The following CSMD1 variants were observed in gnomAD, a reference collection of about 807,000 sequenced individuals.
CSMD1 encodes the protein CUB and sushi domain-containing protein 1.
In CSMD1, 213 loss-of-function variants were observed where a neutral mutation model predicts 417.5. The observed-to-expected ratio is 0.51, with a 90% CI of 0.46 to 0.57. CSMD1 has a LOEUF of 0.57. CSMD1 is among the 20% of genes least tolerant of loss of function. The pLI, the probability that CSMD1 is intolerant of heterozygous loss-of-function variation, is 0.00. For synonymous variants in CSMD1, 2,862 were observed against 1,736.8 expected (o/e 1.65, Z -16.11); for missense variants, 6,923 against 4,529.7 (o/e 1.53, Z -15.17).
chr8:3,539,155 G>T (rs1394636401), intron 10 of CSMD1, among the ~76,000 whole-genome samples: 1 of 152,144 alleles, frequency 6.6e-6, no homozygotes, highest in African/African-American at 2.4e-5. Context: ...CACATACCAA[G>T]ATGTTCTGGC....
intron 1 of CSMD1, among the ~76,000 whole-genome samples, chr8:4,697,153 C>G (rs762528165): frequency 1.3e-5 from 2 of 151,964 alleles, no homozygotes; most frequent in Non-Finnish European, 2.9e-5. Flanking sequence ...GCCTGGGCAA[C>G]AGAATGAGAC....
At chr8:3,147,912 T>A (rs1029176557) in intron 40 of CSMD1, among the ~76,000 whole-genome samples, 1 of 152,206 alleles carries the variant, frequency 6.6e-6, no homozygotes, top group Non-Finnish European at 1.5e-5. Context: ...ATCACATATA[T>A]GCCTTTTCTC....
At position 3,201,615 on chromosome 8, in the gene CSMD1, A is replaced by T; in HGVS notation, c.5095T>A (p.Ser1699Thr). Reference sequence around the variant, plus strand: ...GGCAAAATTCTTTAAGACTTACCTGAGTGAGACCCCGAGAGTGAGCTGAGA... The same window carrying T: ...GGCAAAATTCTTTAAGACTTACCTGTGTGAGACCCCGAGAGTGAGCTGAGA... ...RLLSSLSGSH[S>T]GETLPLATSN... The change falls in exon 32 of 70, where the codon TCA becomes ACA. Residue 1699 changes from serine (S) to threonine (T), a missense_variant. Transcript: ENST00000635120. The T allele has an allele frequency of 6.3e-7, 1 of 1,590,254 alleles. No individual in the cohort carries two copies. Among genetic ancestry groups the T allele is most frequent in the Non-Finnish European group, 8.6e-7 (1 of 1,165,404 alleles).
intron 42 of CSMD1, among the ~76,000 whole-genome samples, chr8:3,114,999 G>A (rs569069243): frequency 6.6e-6 from 1 of 152,202 alleles, no homozygotes; most frequent in African/African-American, 2.4e-5. Flanking sequence ...TATTATGATA[G>A]TGTTTAAGAT....
chr8:3,521,710 C>G (rs1415689883), intron 10 of CSMD1, among the ~76,000 whole-genome samples: 1 of 152,194 alleles, frequency 6.6e-6, no homozygotes, highest in African/African-American at 2.4e-5. Context: ...CCAGAATTTT[C>G]TTAATGAGAA....
intron 10 of CSMD1, among the ~76,000 whole-genome samples, chr8:3,569,535 G>C (rs1256186601): frequency 6.6e-6 from 1 of 152,202 alleles, no homozygotes; most frequent in Non-Finnish European, 1.5e-5. Flanking sequence ...AAAGTTTGCA[G>C]ACCAGGTCAA....
chr8:4,666,844 A>G (rs1804967731), intron 1 of CSMD1, among the ~76,000 whole-genome samples: 1 of 152,126 alleles, frequency 6.6e-6, no homozygotes, highest in South Asian at 2.1e-4. Flanking sequence ...GCAGAACTTT[A>G]TAATTTTGAT....
At chr8:3,734,352 G>C (rs190356853) in intron 6 of CSMD1, among the ~76,000 whole-genome samples, 1 of 152,268 alleles carries the variant, frequency 6.6e-6, no homozygotes, top group East Asian at 1.9e-4. Flanking sequence ...AGGGCTGTTC[G>C]ACAGCATCGT....
chr8:4,062,177 C>G (rs1334603956), intron 3 of CSMD1, among the ~76,000 whole-genome samples: 1 of 151,966 alleles, frequency 6.6e-6, no homozygotes, highest in Non-Finnish European at 1.5e-5. Flanking sequence ...CAAGACTTGC[C>G]AAGTGACGGG....
chr8:3,104,275 T>C (rs1585358244), intron 46 of CSMD1, among the ~76,000 whole-genome samples: 2 of 152,306 alleles, frequency 1.3e-5, no homozygotes, highest in South Asian at 4.1e-4. Flanking sequence ...AATCCATAAA[T>C]AGACCATTGT....
intron 5 of CSMD1, among the ~76,000 whole-genome samples, chr8:3,899,356 C>A (rs1383964960): frequency 6.6e-6 from 1 of 152,168 alleles, no homozygotes; most frequent in Non-Finnish European, 1.5e-5. Context: ...TGGACAGATT[C>A]TCCGCCCTGG....
chr8:3,896,159 T>G (rs998693646), intron 5 of CSMD1, among the ~76,000 whole-genome samples: 3 of 152,180 alleles, frequency 2.0e-5, no homozygotes, highest in Non-Finnish European at 4.4e-5. Flanking sequence ...GTCAATGTAA[T>G]GATTAAGACA....
chr8:3,146,371 C>G lies in CSMD1; in HGVS notation c.6032-3697G>C, dbSNP rs183393654. On this transcript the variant is annotated intron_variant, in intron 40 of 69. Coordinates refer to ENST00000635120, the MANE Select transcript of CSMD1 (RefSeq NM_033225.6). ...GGCACACAACTATCAGGTTTAGCTACTAGATAAGTAAACTAGAATTTGGTT... is the reference window on the plus strand; with the variant it reads ...GGCACACAACTATCAGGTTTAGCTAGTAGATAAGTAAACTAGAATTTGGTT... Among the ~76,000 whole-genome samples the G allele has an allele frequency of 2.2e-3, 337 of 152,110 alleles. 1 individual carries two copies. The highest frequency in any genetic ancestry group is 3.5e-3 in the Non-Finnish European group (240 of 68,006).
intron 3 of CSMD1, among the ~76,000 whole-genome samples, chr8:4,082,814 T>A (rs965366743): frequency 2.2e-5 from 3 of 137,444 alleles, no homozygotes; most frequent in African/African-American, 5.5e-5. Flanking sequence ...CTTTCCTGTG[T>A]CCATGCATTC....
At chr8:3,408,321 G>C (rs1812476134) in intron 13 of CSMD1, 96 bp from the exon 14 acceptor site, 2 of 843,052 alleles carry the variant, frequency 2.4e-6, no homozygotes, top group Admixed American at 5.4e-5. Flanking sequence ...GGCAATTCAT[G>C]CCTGCAAATA....
intron 11 of CSMD1, among the ~76,000 whole-genome samples, chr8:3,487,244 C>G (rs917484072): frequency 1.3e-5 from 2 of 152,062 alleles, no homozygotes; most frequent in Non-Finnish European, 2.9e-5. Flanking sequence ...CTCTGTCTCC[C>G]AGGCTGGAGT....
chr8:3,704,208 A>C (rs1801034548), intron 7 of CSMD1, among the ~76,000 whole-genome samples: 1 of 152,208 alleles, frequency 6.6e-6, no homozygotes, highest in African/African-American at 2.4e-5. Flanking sequence ...CTGAAAAATC[A>C]CAGCTACAGG....
intron 11 of CSMD1, among the ~76,000 whole-genome samples, chr8:3,473,338 G>C (rs961201834): frequency 6.6e-6 from 1 of 152,084 alleles, no homozygotes; most frequent in Non-Finnish European, 1.5e-5. Context: ...CTATGTGACA[G>C]TTATATTTAT....
At chr8:3,553,028 C>A (rs569350624) in intron 10 of CSMD1, among the ~76,000 whole-genome samples, 3 of 150,904 alleles carry the variant, frequency 2.0e-5, no homozygotes, top group African/African-American at 7.3e-5. Context: ...GGTAGTTTTG[C>A]AGAAGAATAC....
Sources: gnomAD v4.1 joint callset for allele counts (sites outside exome capture counted in the v4.1 genomes callset) on GRCh38, gnomAD v4.1.1 for gene constraint, MANE v1.5 for transcripts, NCBI Gene and HGNC (gene_info 2026-07-23, HGNC 2026-07-21) for gene names.